The following MAP2 variants were observed in gnomAD, a reference collection of about 807,000 sequenced individuals.
MAP2 encodes the protein microtubule-associated protein 2.
A neutral mutation model predicts 137.6 loss-of-function variants in MAP2; 14 were observed. The observed-to-expected ratio is 0.10, with a 90% confidence interval of 0.07 to 0.16. The LOEUF is 0.16. Ranked by LOEUF, MAP2 falls within the 10% of genes least tolerant of loss-of-function variation. The probability of loss-of-function intolerance (pLI) is 1.00; values close to 1 mark genes in which losing one functional copy is unlikely to be tolerated. For missense variants in MAP2, 2,088 were observed against 2,191.5 expected (o/e 0.95, Z 0.94); for synonymous variants, 786 against 782.3 (o/e 1.00, Z -0.08).
chr2:209,603,554 T>A (rs533323180), intron 3 of MAP2, among the ~76,000 whole-genome samples: 14 of 152,224 alleles, frequency 9.2e-5, no homozygotes, highest in African/African-American at 3.4e-4. Context: ...TTTCAAAGCT[T>A]TCTGCATGCT....
intron 6 of MAP2, among the ~76,000 whole-genome samples, chr2:209,679,820 T>C (rs935678458): frequency 1.3e-5 from 2 of 152,230 alleles, no homozygotes; most frequent in South Asian, 4.1e-4. Flanking sequence ...AAACTCAATT[T>C]TTTAAAACTT....
intron 4 of MAP2, among the ~76,000 whole-genome samples, chr2:209,631,553 C>G (rs749331977): frequency 1.3e-5 from 2 of 151,712 alleles, no homozygotes. Flanking sequence ...CCTTTTGTCC[C>G]TCAGGCTTCT....
chr2:209,637,246 C>G (rs376166706), intron 4 of MAP2, among the ~76,000 whole-genome samples: 22 of 152,072 alleles, frequency 1.4e-4, no homozygotes, highest in African/African-American at 4.8e-4. Flanking sequence ...AATTCAAGAC[C>G]ACCCTAGCCA....
intron 3 of MAP2, among the ~76,000 whole-genome samples, chr2:209,603,963 T>C (rs1241619030): frequency 6.6e-6 from 1 of 152,088 alleles, no homozygotes; most frequent in African/African-American, 2.4e-5. Context: ...TGGAGGGACA[T>C]TGCAAATTCT....
intron 1 of MAP2, among the ~76,000 whole-genome samples, chr2:209,494,518 A>G (rs574295497): frequency 6.6e-6 from 1 of 152,112 alleles, no homozygotes; most frequent in East Asian, 1.9e-4. Flanking sequence ...CTATAGTCCT[A>G]CCAGCGCCAT....
intron 4 of MAP2, among the ~76,000 whole-genome samples, chr2:209,641,687 G>A (rs974520105): frequency 6.6e-6 from 1 of 150,892 alleles, no homozygotes; most frequent in African/African-American, 2.4e-5. Context: ...CACTGGTAGG[G>A]GTGGGGGGAC....
intron 4 of MAP2, among the ~76,000 whole-genome samples, chr2:209,638,771 C>A (rs2093770702): frequency 6.6e-6 from 1 of 152,102 alleles, no homozygotes; most frequent in Admixed American, 6.6e-5. Context: ...TTTTTTCAAA[C>A]ACATCTGCCT....
intron 7 of MAP2, among the ~76,000 whole-genome samples, chr2:209,682,589 G>T (rs953673782): frequency 1.3e-5 from 2 of 152,134 alleles, no homozygotes; most frequent in Non-Finnish European, 2.9e-5. Context: ...AAGAGGAAAA[G>T]AATAGGGAGC....
intron 5 of MAP2, among the ~76,000 whole-genome samples, chr2:209,654,224 A>C (rs1381701344): frequency 6.6e-6 from 1 of 152,234 alleles, no homozygotes; most frequent in African/African-American, 2.4e-5. Flanking sequence ...TATTAGCTCA[A>C]GATAGTTTAC....
intron 5 of MAP2, among the ~76,000 whole-genome samples, chr2:209,667,138 CT>C (rs1324043858): frequency 1.3e-5 from 2 of 151,518 alleles, no homozygotes; most frequent in African/African-American, 4.9e-5. Flanking sequence ...CAGTAAGACA[CT>C]TTAATTAACA....
At chr2:209,600,273 C>T (rs765751441) in intron 3 of MAP2, among the ~76,000 whole-genome samples, 3 of 152,166 alleles carry the variant, frequency 2.0e-5, no homozygotes, top group African/African-American at 7.2e-5. Flanking sequence ...ACCAGAAAGG[C>T]CTGGAAATTA....
intron 1 of MAP2, among the ~76,000 whole-genome samples, chr2:209,488,300 G>A (rs2058647257): frequency 2.0e-5 from 3 of 152,204 alleles, no homozygotes; most frequent in Admixed American, 2.0e-4. Flanking sequence ...AGACCAGGAG[G>A]TTGCCTCGGG....
intron 2 of MAP2, among the ~76,000 whole-genome samples, chr2:209,557,200 T>TA (rs1468628706): frequency 1.3e-5 from 2 of 152,332 alleles, no homozygotes; most frequent in African/African-American, 2.4e-5. Flanking sequence ...ATCTTGGACT[T>TA]ACGGTTTCTA....
chr2:209,679,000 C>T (rs2053263242), intron 6 of MAP2, among the ~76,000 whole-genome samples: 2 of 151,996 alleles, frequency 1.3e-5, no homozygotes, highest in Non-Finnish European at 2.9e-5. Flanking sequence ...ATTTCATGAC[C>T]TCCACCCATA....
At chr2:209,463,254 T>C (rs1010130390) in intron 1 of MAP2, among the ~76,000 whole-genome samples, 2 of 152,238 alleles carry the variant, frequency 1.3e-5, no homozygotes, top group Non-Finnish European at 2.9e-5. Flanking sequence ...CTTAATAATA[T>C]GGTCTTTTAA....
intron 1 of MAP2, among the ~76,000 whole-genome samples, chr2:209,488,602 G>A (rs1394344173): frequency 1.3e-5 from 2 of 152,134 alleles, no homozygotes; most frequent in Non-Finnish European, 2.9e-5. Context: ...CTTGGTGGGG[G>A]GAGGGGTGTC....
intron 3 of MAP2, among the ~76,000 whole-genome samples, chr2:209,591,263 C>T (rs1381030776): frequency 6.6e-6 from 1 of 152,126 alleles, no homozygotes; most frequent in Non-Finnish European, 1.5e-5. Context: ...TGTCTGGAGA[C>T]ATTTTGGATT....
chr2:209,703,943 G>A (rs1460449786), intron 11 of MAP2: 2 of 454,214 alleles, frequency 4.4e-6, no homozygotes, highest in Admixed American at 2.4e-5. Flanking sequence ...CATTATTTTT[G>A]TGTTTTATTT....
chr2:209,696,823 A>G (rs1478798070), intron 9 of MAP2, 75 bp downstream of exon 9: 17 of 1,538,464 alleles, frequency 1.1e-5, no homozygotes, highest in East Asian at 4.5e-5. Flanking sequence ...ACTGCCTAAC[A>G]GTGGTAACTA....
Sources: allele counts gnomAD v4.1 joint callset (sites outside exome capture counted in the v4.1 genomes callset), GRCh38; gene constraint gnomAD v4.1.1; transcripts MANE v1.5; gene names NCBI Gene and HGNC (gene_info 2026-07-23, HGNC 2026-07-21).